Variants in MORN5 observed in about 807,000 individuals in gnomAD.
MORN5 encodes the protein MORN repeat containing 5.
Under a neutral mutation model 22.1 loss-of-function variants are expected in MORN5, and 21 were observed. That is an observed-to-expected ratio of 0.95 (90% CI 0.67 to 1.37). MORN5 has a LOEUF of 1.37. Among genes scored for constraint, MORN5 ranks in the 40% most tolerant of loss-of-function variants. The pLI, the probability that MORN5 is intolerant of heterozygous loss-of-function variation, is 0.00. For missense variants in MORN5, 211 were observed against 215.1 expected (o/e 0.98, Z 0.12); for synonymous variants, 73 against 74.0 (o/e 0.99, Z 0.07).
intron 4 of MORN5, 110 bp from the exon 5 acceptor site, chr9:122,199,775 T>G: frequency 1.1e-6 from 1 of 936,606 alleles, no homozygotes; most frequent in Non-Finnish European, 1.8e-6. Context: ...CTACACAGAC[T>G]GGCCATCGAC....
At chr9:122,199,725 A>G (rs539271424) in intron 4 of MORN5, among the ~76,000 whole-genome samples, 160 bp from the exon 5 acceptor site, 2 of 152,218 alleles carry the variant, frequency 1.3e-5, no homozygotes, top group East Asian at 3.9e-4. Context: ...ACTCCGAGGA[A>G]TTCAGTGTAA....
intron 4 of MORN5, among the ~76,000 whole-genome samples, chr9:122,192,005 T>A (rs1001018020): frequency 4.6e-5 from 7 of 152,202 alleles, no homozygotes; most frequent in Non-Finnish European, 1.0e-4. Context: ...CATTCCTGGG[T>A]GCCCACCAAG....
In MORN5 at chr9:122,174,863, T is replaced by C. The variant is rs1829424981; in HGVS notation, c.439+236T>C. 5 of 1,336,264 alleles carry C rather than the reference T, an allele frequency of 3.7e-6. No individual in the cohort carries two copies. In the East Asian group the frequency reaches 1.0e-4, roughly 27 times the overall value. The allele number at this position is 1,336,264 out of a possible 1,614,324, so 82.8% of individuals were successfully genotyped here. A position where few individuals can be genotyped will look rare whatever the true frequency, so the allele number is the denominator to read the frequency against. On this transcript the variant is annotated intron_variant, in intron 4 of 4. Coordinates refer to ENST00000373764, the MANE Select transcript of MORN5 (RefSeq NM_198469.4). ...GTCTAGCAGTGACGGCACATAAATG[T>C]CGCACTGAAAGGATTAAGGTACTTA...
chr9:122,187,938 A>G (rs1455668729), intron 4 of MORN5, among the ~76,000 whole-genome samples: 1 of 152,168 alleles, frequency 6.6e-6, no homozygotes, highest in East Asian at 1.9e-4. Context: ...ATTCTGCTGC[A>G]TGGAAGGGAA....
chr9:122,196,035 G>A (rs140624496), intron 4 of MORN5, among the ~76,000 whole-genome samples: 3 of 150,966 alleles, frequency 2.0e-5, no homozygotes, highest in Admixed American at 1.3e-4. Flanking sequence ...ACAGCTCACC[G>A]CAGCCTCAAC....
chr9:122,161,926 G>A (rs1446543761), intron 1 of MORN5, among the ~76,000 whole-genome samples: 1 of 152,182 alleles, frequency 6.6e-6, no homozygotes, highest in Non-Finnish European at 1.5e-5. Context: ...CCTGAACAGG[G>A]CTTCCCAATT....
At chr9:122,196,034 C>G (rs551048013) in intron 4 of MORN5, among the ~76,000 whole-genome samples, 3 of 151,100 alleles carry the variant, frequency 2.0e-5, no homozygotes, top group Non-Finnish European at 4.4e-5. Context: ...CACAGCTCAC[C>G]GCAGCCTCAA....
At chr9:122,167,006 C>T (rs1829295763) in intron 2 of MORN5, 91 bp downstream of exon 2, 2 of 1,290,346 alleles carry the variant, frequency 1.5e-6, no homozygotes, top group Non-Finnish European at 2.1e-6. Flanking sequence ...CTGTCTGGTG[C>T]CCACCTTGTT....
chr9:122,180,401 T>A (rs1159871618), intron 4 of MORN5, among the ~76,000 whole-genome samples: 1 of 151,480 alleles, frequency 6.6e-6, no homozygotes, highest in East Asian at 1.9e-4. Flanking sequence ...TTCTCCTGTG[T>A]CAGCCTCCCG....
intron 4 of MORN5, among the ~76,000 whole-genome samples, chr9:122,193,013 G>GGC (rs1446795267): frequency 1.3e-5 from 2 of 152,118 alleles, no homozygotes; most frequent in African/African-American, 4.8e-5. Context: ...AATGGTACAG[G>GGC]CTGGAGGGGG....
intron 3 of MORN5, among the ~76,000 whole-genome samples, chr9:122,172,039 T>C (rs1176131948): frequency 6.7e-6 from 1 of 149,850 alleles, no homozygotes; most frequent in Non-Finnish European, 1.5e-5. Context: ...ACTGTAACTT[T>C]GAACTCCTGG....
intron 4 of MORN5, among the ~76,000 whole-genome samples, chr9:122,195,073 G>A (rs544859765): frequency 2.0e-5 from 3 of 151,956 alleles, no homozygotes; most frequent in Admixed American, 1.3e-4. Flanking sequence ...GATCTGAGGG[G>A]ACCATGAAAG....
chr9:122,199,849 C>T, intron 4 of MORN5, 36 bp from the exon 5 acceptor site: 3 of 1,612,294 alleles, frequency 1.9e-6, no homozygotes, highest in Non-Finnish European at 1.7e-6. Context: ...TCCCAGCGAG[C>T]ACCAAGCATG....
chr9:122,189,093 G>T (rs1009993648), intron 4 of MORN5, among the ~76,000 whole-genome samples: 1 of 152,102 alleles, frequency 6.6e-6, no homozygotes, highest in Non-Finnish European at 1.5e-5. Flanking sequence ...TACTTGGGAG[G>T]CTGAGACAGG....
intron 4 of MORN5, among the ~76,000 whole-genome samples, chr9:122,192,885 C>T (rs1284076656): frequency 1.3e-5 from 2 of 152,252 alleles, no homozygotes; most frequent in East Asian, 3.8e-4. Flanking sequence ...CAAAACCCCA[C>T]AGGGTAAACC....
intron 3 of MORN5, among the ~76,000 whole-genome samples, chr9:122,170,964 C>A (rs1401861262): frequency 6.6e-6 from 1 of 151,750 alleles, no homozygotes; most frequent in Non-Finnish European, 1.5e-5. Context: ...TACCCCAGAA[C>A]TTAAAGTATA....
At chr9:122,173,238 T>C (rs1400883461) in intron 3 of MORN5, among the ~76,000 whole-genome samples, 1 of 152,206 alleles carries the variant, frequency 6.6e-6, no homozygotes, top group Non-Finnish European at 1.5e-5. Context: ...CCCTTGTCAC[T>C]CCACACTTTG....
intron 3 of MORN5, among the ~76,000 whole-genome samples, chr9:122,173,644 C>T (rs1025918211): frequency 1.3e-5 from 2 of 152,154 alleles, no homozygotes; most frequent in Non-Finnish European, 2.9e-5. Context: ...TCTCCCTTTA[C>T]TTGAGCCATG....
At chr9:122,174,985 C>G (rs1829427398) in intron 4 of MORN5, 6 of 556,176 alleles carry the variant, frequency 1.1e-5, no homozygotes, top group Non-Finnish European at 1.4e-5. Context: ...TGGACACAGC[C>G]CCCCTTCCTT....
Sources: gnomAD v4.1 joint callset for allele counts (sites outside exome capture counted in the v4.1 genomes callset) on GRCh38, gnomAD v4.1.1 for gene constraint, MANE v1.5 for transcripts, NCBI Gene and HGNC (gene_info 2026-07-23, HGNC 2026-07-21) for gene names.